RRM1: variants seen among roughly 807,000 people sequenced by gnomAD.
RRM1 encodes the protein ribonucleoside-diphosphate reductase large subunit.
Under a neutral mutation model 101.5 loss-of-function variants are expected in RRM1, and 19 were observed. The observed-to-expected ratio is 0.19, with a 90% CI of 0.13 to 0.27. The LOEUF (loss-of-function observed/expected upper bound fraction) is 0.27. Ranked by LOEUF, RRM1 falls within the 10% of genes least tolerant of loss-of-function variation. RRM1 has a pLI of 1.00. For synonymous variants in RRM1, 298 were observed against 323.4 expected, an observed-to-expected ratio of 0.92 and a Z score of 0.84; for missense variants, 500 against 962.9, an observed-to-expected ratio of 0.52 and a Z score of 6.36.
At chr11:4,113,662 A>G (rs2094568534) in intron 7 of RRM1, among the ~76,000 whole-genome samples, 1 of 152,230 alleles carries the variant, frequency 6.6e-6, no homozygotes, top group African/African-American at 2.4e-5. Flanking sequence ...ATACTTAGGT[A>G]AGCCTAGATT....
chr11:4,116,660 T>G (rs1193076382), intron 7 of RRM1, among the ~76,000 whole-genome samples: 1 of 151,914 alleles, frequency 6.6e-6, no homozygotes, highest in African/African-American at 2.4e-5. Flanking sequence ...TGCAACATGT[T>G]AACTATTGAG....
intron 4 of RRM1, among the ~76,000 whole-genome samples, chr11:4,107,736 C>T (rs2094560188): frequency 6.6e-6 from 1 of 152,052 alleles, no homozygotes; most frequent in Non-Finnish European, 1.5e-5. Context: ...TACGTGTGTG[C>T]ATACATGTGT....
intron 1 of RRM1, among the ~76,000 whole-genome samples, chr11:4,101,315 A>ATTTT: frequency 7.0e-6 from 1 of 142,374 alleles, no homozygotes; most frequent in Non-Finnish European, 1.6e-5. Context: ...GATTCTGTGG[A>ATTTT]TTTTTTTTTT....
chr11:4,117,812 A>T (rs540212926), intron 7 of RRM1, among the ~76,000 whole-genome samples: 1 of 152,336 alleles, frequency 6.6e-6, no homozygotes, highest in South Asian at 2.1e-4. Context: ...AAGGTTCCTG[A>T]GGTGGGGAGC....
chr11:4,112,886 G>T (rs1454942282), intron 7 of RRM1, among the ~76,000 whole-genome samples: 1 of 152,146 alleles, frequency 6.6e-6, no homozygotes, highest in African/African-American at 2.4e-5. Flanking sequence ...AAGATCACTT[G>T]AGGTCAGAAG....
chr11:4,136,279 C>T (rs1450580356), intron 18 of RRM1, among the ~76,000 whole-genome samples: 2 of 151,714 alleles, frequency 1.3e-5, no homozygotes, highest in Non-Finnish European at 2.9e-5. Context: ...TGGAGTACAG[C>T]GGCATGATCT....
At chr11:4,123,060 C>T in intron 11 of RRM1, 123 bp from the exon 12 acceptor site, 1 of 792,712 alleles carries the variant, frequency 1.3e-6, no homozygotes, top group Non-Finnish European at 2.0e-6. Context: ...TCCTTTTTTT[C>T]TTTAGCAAAA....
In RRM1 at chr11:4,106,168, G is replaced by T. The variant is rs1160555594; in HGVS notation, c.231G>T (p.Leu77=). 2 of 1,614,036 alleles carry T rather than the reference G, an allele frequency of 1.2e-6. No individual in the cohort carries two copies. Among genetic ancestry groups the T allele is most frequent in the Non-Finnish European group, 1.7e-6 (2 of 1,179,984 alleles). The change falls in exon 3 of 19, where the codon CTG becomes CTT. Residue 77 remains leucine (L), a synonymous_variant. Transcript: ENST00000300738. ...CTAAGCACCCTGACTATGCTATCCTGGCAGCCAGGATCGCTGTCTCTAACT... is the reference window on the plus strand; with the variant it reads ...CTAAGCACCCTGACTATGCTATCCTTGCAGCCAGGATCGCTGTCTCTAACT... ...LTTKHPDYAI[L]AARIAVSNLH... is the part of the protein sequence containing the mutation.
intron 9 of RRM1, among the ~76,000 whole-genome samples, chr11:4,121,022 A>G (rs890229410): frequency 1.3e-5 from 2 of 152,226 alleles, no homozygotes; most frequent in Admixed American, 6.5e-5. Context: ...CTTGTCTCAA[A>G]CAAAACAGAA....
chr11:4,103,588 C>A (rs1156817043), intron 2 of RRM1, among the ~76,000 whole-genome samples: 1 of 152,080 alleles, frequency 6.6e-6, no homozygotes, highest in African/African-American at 2.4e-5. Flanking sequence ...CATCTGTAAT[C>A]CCAGCACTTT....
intron 1 of RRM1, among the ~76,000 whole-genome samples, chr11:4,100,454 C>T (rs906037585): frequency 1.3e-5 from 2 of 152,160 alleles, no homozygotes; most frequent in Admixed American, 6.5e-5. Context: ...ATCAGAAAAT[C>T]CAAAATCTGA....
At chr11:4,103,727 A>C (rs1379698733) in intron 2 of RRM1, among the ~76,000 whole-genome samples, 1 of 149,634 alleles carries the variant, frequency 6.7e-6, no homozygotes, top group Non-Finnish European at 1.5e-5. Context: ...GGATCAAATG[A>C]TTCTTGTGCC....
At chr11:4,130,088 T>TATATATATATATATATATATATATATA (rs1235882420) in intron 15 of RRM1, among the ~76,000 whole-genome samples, 19 of 48,140 alleles carry the variant, frequency 3.9e-4, no homozygotes, top group African/African-American at 9.0e-4. Flanking sequence ...ATATATATAT[T>TATATATATATATATATATATATATATA]TTTTTTTTTT....
rs2094594749 is a variant in RRM1 at position 4,129,138 on chromosome 11, A to C, written c.1757A>C (p.Glu586Ala). 1 of 1,598,518 alleles carries C rather than the reference A, an allele frequency of 6.3e-7. No individual in the cohort carries two copies. Among genetic ancestry groups the C allele is most frequent in the South Asian group, 1.1e-5 (1 of 90,184 alleles). ...TDLWDWKVLK[E>A]KIAKYGIRNS... ...CTATGGGACTGGAAGGTTCTCAAGG[A>C]GAAGATTGCAAAGTAAGTGAAAAGA... Residue 586 changes from glutamate to alanine, a missense_variant, in exon 15 of 19, where the codon GAG becomes GCG. Physicochemically the swap from Glu to Ala is moderately radical, Grantham distance 107. Around this residue, in one of 9 missense-constraint regions of RRM1, gnomAD observed 106 missense variants for 138.1 expected, o/e 0.77. Transcript: ENST00000300738.
At chr11:4,101,564 C>CCCCCA (rs1554973354) in intron 1 of RRM1, among the ~76,000 whole-genome samples, 1 of 114,778 alleles carries the variant, frequency 8.7e-6, no homozygotes, top group African/African-American at 3.3e-5. Flanking sequence ...TCCACACCCC[C>CCCCCA]CCCCGCTCCC....
chr11:4,105,577 CCTTTT>C, intron 2 of RRM1: 1 of 262,910 alleles, frequency 3.8e-6, no homozygotes, highest in Non-Finnish European at 6.8e-6. Context: ...TTTTTTCTTT[CCTTTT>C]TTTTTTTTTT....
intron 4 of RRM1, among the ~76,000 whole-genome samples, chr11:4,107,837 TTTGTTC>T (rs1464298415): frequency 5.3e-5 from 8 of 152,226 alleles, no homozygotes. Flanking sequence ...GTATATCTTG[TTTGTTC>T]TATATCAGCC....
intron 7 of RRM1, among the ~76,000 whole-genome samples, chr11:4,113,965 A>G (rs2094569022): frequency 6.6e-6 from 1 of 152,008 alleles, no homozygotes. Context: ...TGTCTGTACT[A>G]AAAATATAGA....
Position 4,122,015 on chromosome 11 carries a change from A to G in RRM1, c.1039-126A>G, listed in dbSNP as rs552509702. 5 of 790,210 alleles carry G rather than the reference A, an allele frequency of 6.3e-6. No individual in the cohort carries two copies. In the South Asian group the frequency reaches 8.3e-5, roughly 13 times the overall value. The allele number at this position is 790,210 out of a possible 1,614,324, so 48.9% of individuals were successfully genotyped here. A position where few individuals can be genotyped will look rare whatever the true frequency, so the allele number is the denominator to read the frequency against. On this transcript the variant is annotated intron_variant, in intron 10 of 18. Transcript: ENST00000300738. ...TAGATGTTTGGGCCTGAACCTGAAA[A>G]TGATTATTTCTACAGCAAATTTCCA...
Sources: allele counts gnomAD v4.1 joint callset (sites outside exome capture counted in the v4.1 genomes callset), GRCh38; gene constraint gnomAD v4.1.1; regional missense constraint gnomAD v4.1.1; transcripts MANE v1.5; gene names NCBI Gene and HGNC (gene_info 2026-07-23, HGNC 2026-07-21).